PCDH7: variants seen among roughly 807,000 people sequenced by gnomAD.
The protein encoded by PCDH7 is protocadherin 7.
PCDH7 carries 17 observed loss-of-function variants against 58.9 expected under a neutral mutation model. The ratio of observed to expected loss-of-function variants is 0.29; its 90% CI spans 0.20 to 0.43. The LOEUF is 0.43. Ranked by LOEUF, PCDH7 falls within the 20% of genes least tolerant of loss-of-function variation. The pLI is 1.00. For missense variants in PCDH7, 1,274 were observed against 1,441.0 expected (o/e 0.88, Z 1.88); for synonymous variants, 664 against 616.4 (o/e 1.08, Z -1.14).
At chr4:30,894,512 TATATACACACACACACAC>T (rs1469652569) in intron 1 of PCDH7, among the ~76,000 whole-genome samples, 44 of 50,334 alleles carry the variant, frequency 8.7e-4, no homozygotes, top group African/African-American at 4.9e-3. Context: ...TATATATATA[TATATACACACACACACAC>T]ACACACACAC....
intron 3 of PCDH7, among the ~76,000 whole-genome samples, chr4:31,058,110 G>C (rs1757401866): frequency 6.6e-6 from 1 of 151,990 alleles, no homozygotes; most frequent in African/African-American, 2.4e-5. Flanking sequence ...AGAAGCAGTA[G>C]AGAAAAATTT....
rs904228959 is a variant in PCDH7 at position 30,768,412 on chromosome 4, C to T, written c.70+43816C>T. 8.0e-5 allele frequency among the ~76,000 whole-genome samples: 12 copies of T among 149,258 alleles called. 1 individual carries two copies. The highest frequency in any genetic ancestry group is 5.3e-4 in the Admixed American group (8 of 14,954). On this transcript the variant is annotated intron_variant, in intron 1 of 3. Transcript: ENST00000509759. ...ATTATGTCACCAGTAGAAAGAAGGT[C>T]GAGTGGATAGCCTCAGCTGTGAAGC...
chr4:30,842,592 A>C (rs1578013239), intron 1 of PCDH7, among the ~76,000 whole-genome samples: 1 of 152,280 alleles, frequency 6.6e-6, no homozygotes, highest in East Asian at 1.9e-4. Context: ...GGATGTGTGA[A>C]TTAATGATGA....
chr4:30,954,170 T>G (rs1326274545), intron 3 of PCDH7, among the ~76,000 whole-genome samples: 1 of 152,182 alleles, frequency 6.6e-6, no homozygotes, highest in African/African-American at 2.4e-5. Flanking sequence ...CCTGCACATC[T>G]GACTTTCAGT....
chr4:31,066,703 C>T (rs1758124375), intron 3 of PCDH7, among the ~76,000 whole-genome samples: 1 of 151,824 alleles, frequency 6.6e-6, no homozygotes, highest in African/African-American at 2.4e-5. Flanking sequence ...TTTGGTCATG[C>T]CATTGACACA....
At chr4:30,808,163 A>G (rs919514762) in intron 1 of PCDH7, among the ~76,000 whole-genome samples, 3 of 152,196 alleles carry the variant, frequency 2.0e-5, no homozygotes, top group Admixed American at 2.0e-4. Context: ...CAGACTGAAA[A>G]CAGGTTAAAT....
At chr4:30,720,388 A>T (rs1305047779), upstream of PCDH7, 1 of 152,782 alleles carries the variant, frequency 6.5e-6, no homozygotes, top group African/African-American at 2.4e-5. This position sits in a 1 kb window ranked among gnomAD's most constrained non-coding sequence, Gnocchi z 4.7. Flanking sequence ...ACAGCGCTGC[A>T]GATCCCACTG....
At chr4:30,892,667 A>G (rs1401840832) in intron 1 of PCDH7, among the ~76,000 whole-genome samples, 1 of 152,080 alleles carries the variant, frequency 6.6e-6, no homozygotes, top group Non-Finnish European at 1.5e-5. Context: ...ATAGTGAATC[A>G]TTAGTAAATT....
intron 2 of PCDH7, among the ~76,000 whole-genome samples, chr4:30,946,808 A>C (rs1395813949): frequency 6.6e-6 from 1 of 150,930 alleles, no homozygotes; most frequent in East Asian, 2.0e-4. Context: ...CCTGTGTTCA[A>C]GCATTTCTCT....
intron 1 of PCDH7, among the ~76,000 whole-genome samples, chr4:30,769,421 G>C (rs1390557776): frequency 6.6e-6 from 1 of 152,164 alleles, no homozygotes; most frequent in South Asian, 2.1e-4. Flanking sequence ...TTCACTGCTT[G>C]CCTGGCATGC....
At chr4:30,970,780 C>A (rs1350263453) in intron 3 of PCDH7, among the ~76,000 whole-genome samples, 1 of 152,068 alleles carries the variant, frequency 6.6e-6, no homozygotes, top group African/African-American at 2.4e-5. Context: ...TGTATATTTT[C>A]TGTAGCTACA....
chr4:30,898,443 G>A (rs1480575031), intron 1 of PCDH7, among the ~76,000 whole-genome samples: 2 of 152,166 alleles, frequency 1.3e-5, no homozygotes, highest in Non-Finnish European at 2.9e-5. Flanking sequence ...TCAAGAGAAG[G>A]TGAAAGCAGC....
At chr4:30,901,219 A>G (rs1397415842) in intron 1 of PCDH7, among the ~76,000 whole-genome samples, 1 of 152,168 alleles carries the variant, frequency 6.6e-6, no homozygotes, top group African/African-American at 2.4e-5. Context: ...CCAGCTTCCA[A>G]AAAGATGTGA....
intron 3 of PCDH7, among the ~76,000 whole-genome samples, chr4:31,029,360 G>A (rs934213371): frequency 5.3e-5 from 8 of 152,288 alleles, no homozygotes; most frequent in African/African-American, 1.7e-4. Context: ...TCAAAACAGA[G>A]TCAGAAATGT....
Position 30,723,542 on chromosome 4 carries a change from C to T in PCDH7, c.2120C>T (p.Thr707Ile). ...TCTTTTGACCGGGAACATCAGACCACATACACTTTCAGAGTCAAGGCTGTG... is the reference window on the plus strand; with the variant it reads ...TCTTTTGACCGGGAACATCAGACCATATACACTTTCAGAGTCAAGGCTGTG... Residue 707 changes from threonine (T) to isoleucine (I), a missense_variant, in exon 1 of 2, where the codon ACA becomes ATA. Physicochemically the swap from Thr to Ile is moderately conservative, Grantham distance 89. Around this residue, in one of 3 missense-constraint regions of PCDH7, gnomAD observed 731 missense variants for 881.9 expected, o/e 0.83. Coordinates refer to ENST00000361762, the Ensembl canonical transcript of PCDH7. The surrounding 1 kb of genome is among the most constrained non-coding windows in gnomAD (Gnocchi z 4.6). The T allele has an allele frequency of 6.2e-7, 1 of 1,614,162 alleles. No homozygotes were observed. The highest frequency in any genetic ancestry group is 8.5e-7 in the Non-Finnish European group (1 of 1,180,030).
At chr4:30,855,678 GT>G (rs756591633) in intron 1 of PCDH7, among the ~76,000 whole-genome samples, 1 of 152,172 alleles carries the variant, frequency 6.6e-6, no homozygotes, top group East Asian at 1.9e-4. Context: ...TGCAGATTAT[GT>G]TGGTAAACTT....
intron 1 of PCDH7, among the ~76,000 whole-genome samples, chr4:30,818,643 G>A (rs1727986443): frequency 6.6e-6 from 1 of 152,154 alleles, no homozygotes; most frequent in South Asian, 2.1e-4. Context: ...TGACTAGGAG[G>A]ATTTGCATTA....
chr4:31,008,970 C>T (rs1296689900), intron 3 of PCDH7, among the ~76,000 whole-genome samples: 1 of 152,054 alleles, frequency 6.6e-6, no homozygotes, highest in African/African-American at 2.4e-5. Flanking sequence ...TATGTCCCAT[C>T]ACATAATATA....
chr4:30,908,366 T>C (rs1436384062), intron 1 of PCDH7, among the ~76,000 whole-genome samples: 1 of 151,862 alleles, frequency 6.6e-6, no homozygotes, highest in African/African-American at 2.4e-5. Context: ...AAATGCCCAA[T>C]GCTAAGGTGA....
Sources: gnomAD v4.1 joint callset for allele counts (sites outside exome capture counted in the v4.1 genomes callset) on GRCh38, gnomAD v4.1.1 for gene constraint, gnomAD v4.1.1 regional missense constraint, Gnocchi (gnomAD v3.1) non-coding constraint, MANE v1.5 for transcripts, NCBI Gene and HGNC (gene_info 2026-07-23, HGNC 2026-07-21) for gene names.